Variants in HEMK2 observed in about 807,000 individuals in gnomAD.
HEMK2 encodes the protein HemK methyltransferase 2, ETF1 glutamine and histone H4 lysine.
chr21:28,854,010 G>A, the HEMK2 span, among the ~76,000 whole-genome samples: 35 of 152,192 alleles, frequency 2.3e-4, no homozygotes, highest in South Asian at 1.7e-3. Flanking sequence ...GCTCTTTCTC[G>A]ACAGGAGATA....
the HEMK2 span, among the ~76,000 whole-genome samples, chr21:28,655,538 A>G: frequency 0.22 from 33,390 of 151,996 alleles, 4,075 homozygotes; most frequent in East Asian, 0.38. Flanking sequence ...CTGGTGGGTA[A>G]AACCTTGGAA....
the HEMK2 span, among the ~76,000 whole-genome samples, chr21:28,809,011 A>T: frequency 3.8e-4 from 58 of 152,332 alleles, no homozygotes; most frequent in African/African-American, 1.3e-3. Flanking sequence ...AGTTTGTGCA[A>T]AAAGAGTGGC....
the HEMK2 span, among the ~76,000 whole-genome samples, chr21:28,832,364 C>G: frequency 6.6e-6 from 1 of 152,164 alleles, no homozygotes; most frequent in African/African-American, 2.4e-5. Flanking sequence ...TCTCTGTTAC[C>G]TGGAGTCTTC....
At chr21:28,605,220 T>C in the HEMK2 span, among the ~76,000 whole-genome samples, 3 of 152,196 alleles carry the variant, frequency 2.0e-5, no homozygotes, top group African/African-American at 7.2e-5. Flanking sequence ...ATGCTGGTTG[T>C]TTTGACAGAC....
the HEMK2 span, among the ~76,000 whole-genome samples, chr21:28,644,815 A>T: frequency 6.6e-6 from 1 of 152,200 alleles, no homozygotes; most frequent in Non-Finnish European, 1.5e-5. Flanking sequence ...AAATACTGGA[A>T]ATCTAATTTT....
chr21:28,693,517 G>A, the HEMK2 span, among the ~76,000 whole-genome samples: 1 of 152,188 alleles, frequency 6.6e-6, no homozygotes, highest in South Asian at 2.1e-4. Flanking sequence ...GGTTGTACAT[G>A]TATTTCTTAA....
chr21:28,662,479 G>A, the HEMK2 span, among the ~76,000 whole-genome samples: 1 of 152,202 alleles, frequency 6.6e-6, no homozygotes, highest in Admixed American at 6.6e-5. Flanking sequence ...TCACAGAAGG[G>A]TGTGTTCAAA....
chr21:28,871,218 C>A, the HEMK2 span, among the ~76,000 whole-genome samples: 1 of 152,070 alleles, frequency 6.6e-6, no homozygotes, highest in East Asian at 1.9e-4. Context: ...TTACCTGAGA[C>A]TGGGTAAAGA....
chr21:28,716,647 C>CT, the HEMK2 span, among the ~76,000 whole-genome samples: 4 of 152,192 alleles, frequency 2.6e-5, no homozygotes, highest in East Asian at 7.7e-4. Context: ...GTAGCTAGGA[C>CT]TTCCGGTACT....
chr21:28,611,188 T>C, the HEMK2 span, among the ~76,000 whole-genome samples: 1 of 152,114 alleles, frequency 6.6e-6, no homozygotes, highest in East Asian at 1.9e-4. Flanking sequence ...AAATCAAAAC[T>C]ATAGCAAGTA....
chr21:28,838,335 C>T, the HEMK2 span, among the ~76,000 whole-genome samples: 1 of 151,038 alleles, frequency 6.6e-6, no homozygotes, highest in African/African-American at 2.4e-5. Flanking sequence ...GAGATTGAGA[C>T]CATCCTGGCT....
At chr21:28,661,702 T>A in the HEMK2 span, among the ~76,000 whole-genome samples, 1 of 152,154 alleles carries the variant, frequency 6.6e-6, no homozygotes, top group Non-Finnish European at 1.5e-5. Flanking sequence ...AGCCCAGCAC[T>A]CTCTGATGGA....
chr21:28,627,879 A>G, the HEMK2 span, among the ~76,000 whole-genome samples: 10 of 152,152 alleles, frequency 6.6e-5, no homozygotes, highest in Admixed American at 6.5e-4. Flanking sequence ...CATAGGGTGT[A>G]GCCTTTGTAA....
chr21:28,648,392 T>C, the HEMK2 span, among the ~76,000 whole-genome samples: 5 of 152,152 alleles, frequency 3.3e-5, no homozygotes, highest in African/African-American at 7.2e-5. Context: ...ATCCTGGCAA[T>C]AGAGCTGTGT....
At chr21:28,779,883 T>TA in the HEMK2 span, among the ~76,000 whole-genome samples, 388 of 151,010 alleles carry the variant, frequency 2.6e-3, 1 homozygote, top group Non-Finnish European at 3.5e-3. Context: ...TTCTTGTTTT[T>TA]AAAAAAAAGC....
At chr21:28,636,854 T>A in the HEMK2 span, among the ~76,000 whole-genome samples, 1 of 152,208 alleles carries the variant, frequency 6.6e-6, no homozygotes, top group African/African-American at 2.4e-5. Flanking sequence ...GAGTCCCTCA[T>A]ACAGCATTGC....
At chr21:28,787,882 C>A in the HEMK2 span, among the ~76,000 whole-genome samples, 1 of 152,174 alleles carries the variant, frequency 6.6e-6, no homozygotes, top group East Asian at 1.9e-4. Context: ...AAAAATAAGT[C>A]ATTATTGGAA....
chr21:28,648,397 C>T, the HEMK2 span, among the ~76,000 whole-genome samples: 2 of 152,122 alleles, frequency 1.3e-5, no homozygotes, highest in African/African-American at 4.8e-5. Flanking sequence ...GGCAATAGAG[C>T]TGTGTGATCA....
At chr21:28,691,333 A>G in the HEMK2 span, among the ~76,000 whole-genome samples, 1 of 152,206 alleles carries the variant, frequency 6.6e-6, no homozygotes, top group Non-Finnish European at 1.5e-5. Context: ...TCCAAAGATA[A>G]TCAATTAATT....
Sources: gnomAD v4.1 joint callset for allele counts (sites outside exome capture counted in the v4.1 genomes callset) on GRCh38, gnomAD v4.1.1 for gene constraint, MANE v1.5 for transcripts, NCBI Gene and HGNC (gene_info 2026-07-23, HGNC 2026-07-21) for gene names.